TBC1D19: variants seen among roughly 807,000 people sequenced by gnomAD.
TBC1D19 encodes the protein TBC1 domain family, member 19.
In TBC1D19, 60 loss-of-function variants were observed where a neutral mutation model predicts 89.0. The ratio of observed to expected loss-of-function variants is 0.67; its 90% CI spans 0.55 to 0.84. The LOEUF is 0.84. Among genes scored for constraint, TBC1D19 ranks in the 40% least tolerant of loss-of-function variants. TBC1D19 has a pLI of 0.00. For synonymous variants in TBC1D19, 189 were observed against 199.7 expected (o/e 0.95, Z 0.45); for missense variants, 500 against 610.8 (o/e 0.82, Z 1.91).
chr4:26,799,302 A>G, the TBC1D19 span, among the ~76,000 whole-genome samples: 1 of 152,164 alleles, frequency 6.6e-6, no homozygotes, highest in Non-Finnish European at 1.5e-5. Flanking sequence ...AAGCCACTGT[A>G]CTCCAGCCTG....
intron 13 of TBC1D19, among the ~76,000 whole-genome samples, chr4:26,708,526 A>G (rs985398067): frequency 6.6e-6 from 1 of 151,760 alleles, no homozygotes; most frequent in Non-Finnish European, 1.5e-5. Context: ...AATTTGGGAA[A>G]TTTTCAGCCA....
At chr4:26,788,938 T>C in the TBC1D19 span, among the ~76,000 whole-genome samples, 1 of 152,168 alleles carries the variant, frequency 6.6e-6, no homozygotes, top group Non-Finnish European at 1.5e-5. Context: ...AAACAGCAGA[T>C]TGAGAGTAAG....
chr4:26,689,326 T>A (rs1714082806), intron 13 of TBC1D19, among the ~76,000 whole-genome samples: 2 of 152,150 alleles, frequency 1.3e-5, no homozygotes, highest in African/African-American at 4.8e-5. Flanking sequence ...CATTTTAATA[T>A]AAAGTTAGTT....
chr4:26,672,946 G>T (rs917125656), intron 10 of TBC1D19, among the ~76,000 whole-genome samples: 1 of 151,528 alleles, frequency 6.6e-6, no homozygotes, highest in African/African-American at 2.4e-5. Context: ...TTTAATATAA[G>T]ATTTTTTTTA....
At chr4:26,706,234 A>G (rs188558263) in intron 13 of TBC1D19, among the ~76,000 whole-genome samples, 261 of 152,140 alleles carry the variant, frequency 1.7e-3, no homozygotes, top group African/African-American at 6.1e-3. Context: ...CAGATTTTCT[A>G]TTTCTTTGTG....
chr4:26,773,937 G>A, the TBC1D19 span, among the ~76,000 whole-genome samples: 2 of 152,142 alleles, frequency 1.3e-5, no homozygotes, highest in African/African-American at 4.8e-5. Flanking sequence ...CCTTGCACAG[G>A]GGCTTTCTGC....
At chr4:26,603,988 T>TA (rs764794379) in intron 1 of TBC1D19, among the ~76,000 whole-genome samples, 7 of 152,138 alleles carry the variant, frequency 4.6e-5, no homozygotes, top group Non-Finnish European at 1.0e-4. Flanking sequence ...CAACCTGTAG[T>TA]AACCACCATT....
chr4:26,731,852 G>A (rs6858652), intron 15 of TBC1D19, among the ~76,000 whole-genome samples: 57,104 of 151,830 alleles, frequency 0.38, 11,743 homozygotes, highest in Non-Finnish European at 0.47. Flanking sequence ...CAGAAGTTAC[G>A]TCCGTAGGGA....
intron 15 of TBC1D19, among the ~76,000 whole-genome samples, chr4:26,720,719 T>C (rs1301553156): frequency 6.6e-6 from 1 of 152,094 alleles, no homozygotes; most frequent in Non-Finnish European, 1.5e-5. Context: ...GAAGAAGTTC[T>C]TTTACTCCAG....
the TBC1D19 span, among the ~76,000 whole-genome samples, chr4:26,821,446 T>C: frequency 1.3e-4 from 20 of 152,276 alleles, no homozygotes; most frequent in African/African-American, 4.8e-4. Context: ...AGTGTAATTC[T>C]GTGCTTTGTG....
At chr4:26,700,610 A>C (rs886170818) in intron 13 of TBC1D19, among the ~76,000 whole-genome samples, 49 of 152,316 alleles carry the variant, frequency 3.2e-4, no homozygotes, top group African/African-American at 1.1e-3. Context: ...TATTGATTAC[A>C]GATTGTTTAT....
chr4:26,759,070 C>T (rs940461286), downstream of TBC1D19, among the ~76,000 whole-genome samples: 2 of 152,174 alleles, frequency 1.3e-5, no homozygotes, highest in African/African-American at 2.4e-5. Context: ...CTTACTTGTA[C>T]ATCAAAACCC....
chr4:26,747,321 G>A (rs1289791999), intron 18 of TBC1D19, among the ~76,000 whole-genome samples: 1 of 152,064 alleles, frequency 6.6e-6, no homozygotes, highest in Admixed American at 6.6e-5. Context: ...AATGTATTTT[G>A]TAAGTTATTA....
intron 1 of TBC1D19, among the ~76,000 whole-genome samples, chr4:26,612,029 GACT>G (rs1046649613): frequency 1.3e-5 from 2 of 151,942 alleles, no homozygotes; most frequent in African/African-American, 4.8e-5. Flanking sequence ...TATGTTTGTT[GACT>G]ACTTTGGGTT....
chr4:26,696,985 A>C (rs57601989), intron 13 of TBC1D19, among the ~76,000 whole-genome samples: 8,279 of 152,230 alleles, frequency 0.054, 786 homozygotes, highest in African/African-American at 0.19. Flanking sequence ...AAAAGCTAGC[A>C]GAAGACAAGA....
At chr4:26,848,467 C>T in the TBC1D19 span, among the ~76,000 whole-genome samples, 2 of 152,210 alleles carry the variant, frequency 1.3e-5, no homozygotes, top group East Asian at 3.8e-4. Flanking sequence ...TGCAACTAAA[C>T]ATAACCCAAA....
chr4:26,814,157 T>C, the TBC1D19 span, among the ~76,000 whole-genome samples: 96 of 152,262 alleles, frequency 6.3e-4, 3 homozygotes, highest in East Asian at 0.015. Context: ...AACAGATACA[T>C]TGGTAGACCA....
At chr4:26,826,065 G>C in the TBC1D19 span, among the ~76,000 whole-genome samples, 2 of 152,138 alleles carry the variant, frequency 1.3e-5, no homozygotes, top group Non-Finnish European at 2.9e-5. Flanking sequence ...AGCCAGGCTT[G>C]GTGGCATGCA....
chr4:26,738,397 A>C (rs1406267723), intron 16 of TBC1D19, among the ~76,000 whole-genome samples: 1 of 151,730 alleles, frequency 6.6e-6, no homozygotes, highest in African/African-American at 2.4e-5. Flanking sequence ...AAAAATAAAG[A>C]AGTTCCAAAC....
Sources: allele counts gnomAD v4.1 joint callset (sites outside exome capture counted in the v4.1 genomes callset), GRCh38; gene constraint gnomAD v4.1.1; transcripts MANE v1.5; gene names NCBI Gene and HGNC (gene_info 2026-07-23, HGNC 2026-07-21).